The following SH3GL2 variants were observed in gnomAD, a reference collection of about 807,000 sequenced individuals.
SH3GL2 encodes the protein endophilin-A1.
In SH3GL2, 24 loss-of-function variants were observed where a neutral mutation model predicts 46.0. The observed-to-expected ratio is 0.52, with a 90% CI of 0.38 to 0.73. SH3GL2 has a LOEUF of 0.73. SH3GL2 is among the 30% of genes least tolerant of loss of function. SH3GL2 has a pLI of 0.00. For synonymous variants in SH3GL2, 196 were observed against 147.1 expected (o/e 1.33, Z -2.40); for missense variants, 413 against 424.2 (o/e 0.97, Z 0.23).
At chr9:17,651,117 C>T (rs1819946993) in intron 1 of SH3GL2, among the ~76,000 whole-genome samples, 1 of 151,966 alleles carries the variant, frequency 6.6e-6, no homozygotes, top group Non-Finnish European at 1.5e-5. Context: ...TTCTTAATTC[C>T]TAAGACATAA....
chr9:17,787,232 G>A (rs970674363), intron 4 of SH3GL2, 148 bp from the exon 5 acceptor site: 18 of 620,614 alleles, frequency 2.9e-5, no homozygotes, highest in Non-Finnish European at 5.1e-5. Flanking sequence ...CTGTTGCCTG[G>A]AGTGAACTGA....
At chr9:17,753,220 A>G (rs1468152201) in intron 2 of SH3GL2, among the ~76,000 whole-genome samples, 3 of 152,190 alleles carry the variant, frequency 2.0e-5, no homozygotes, top group African/African-American at 7.2e-5. Context: ...TTGGGTGTAT[A>G]TCCACTAATG....
In SH3GL2 at chr9:17,732,187, T is replaced by C. The variant is rs530219167; in HGVS notation, c.46-14879T>C. Among the ~76,000 whole-genome samples the C allele has an allele frequency of 3.5e-4, 53 of 152,196 alleles. 1 individual carries two copies. Among genetic ancestry groups the C allele is most frequent in the Admixed American group, 3.3e-3 (50 of 15,276 alleles). ...ATATTACCCTTTAAAAAATAACCTG[T>C]TTAAGGTAGTACTGTTGGAGATGGT... On this transcript the variant is annotated intron_variant, in intron 1 of 8. Coordinates refer to ENST00000380607, the MANE Select transcript of SH3GL2 (RefSeq NM_003026.5).
At chr9:17,787,262 T>C in intron 4 of SH3GL2, 118 bp from the exon 5 acceptor site, 1 of 770,678 alleles carries the variant, frequency 1.3e-6, no homozygotes, top group Non-Finnish European at 2.2e-6. Flanking sequence ...TTCTCTCTTG[T>C]CTGTTGTCTT....
chr9:17,702,814 TTA>T (rs1821371472), intron 1 of SH3GL2, among the ~76,000 whole-genome samples: 1 of 152,100 alleles, frequency 6.6e-6, no homozygotes, highest in Non-Finnish European at 1.5e-5. Context: ...AATGGTTTTT[TTA>T]AAGAGATTAA....
At chr9:17,732,109 A>G (rs997098986) in intron 1 of SH3GL2, among the ~76,000 whole-genome samples, 2 of 151,896 alleles carry the variant, frequency 1.3e-5, no homozygotes, top group Non-Finnish European at 2.9e-5. Flanking sequence ...ACTCACTTTC[A>G]CTCTTTTTTT....
intron 1 of SH3GL2, among the ~76,000 whole-genome samples, chr9:17,661,528 A>G (rs771563714): frequency 6.6e-6 from 1 of 152,230 alleles, no homozygotes; most frequent in Non-Finnish European, 1.5e-5. Context: ...CAAGTGATAT[A>G]TATACATGGC....
chr9:17,730,227 T>G (rs985341794), intron 1 of SH3GL2, among the ~76,000 whole-genome samples: 1 of 152,148 alleles, frequency 6.6e-6, no homozygotes, highest in Non-Finnish European at 1.5e-5. Flanking sequence ...GTAGCAATTG[T>G]GAATGGGAGT....
intron 1 of SH3GL2, among the ~76,000 whole-genome samples, chr9:17,608,886 G>T (rs1254309914): frequency 3.9e-5 from 6 of 152,174 alleles, no homozygotes; most frequent in African/African-American, 1.4e-4. Flanking sequence ...AGTGCAGGTG[G>T]CTGCATTGCA....
intron 1 of SH3GL2, among the ~76,000 whole-genome samples, chr9:17,686,894 C>T (rs898390234): frequency 8.0e-5 from 12 of 149,260 alleles, no homozygotes; most frequent in Non-Finnish European, 1.6e-4. Context: ...ACATATGTAA[C>T]TAACCTGCAC....
At chr9:17,742,089 C>G (rs1172829907) in intron 1 of SH3GL2, among the ~76,000 whole-genome samples, 1 of 152,130 alleles carries the variant, frequency 6.6e-6, no homozygotes, top group African/African-American at 2.4e-5. Flanking sequence ...GGTAAATAAA[C>G]TGGCAGTGTG....
At chr9:17,701,136 C>T (rs1385824728) in intron 1 of SH3GL2, among the ~76,000 whole-genome samples, 1 of 152,066 alleles carries the variant, frequency 6.6e-6, no homozygotes, top group Non-Finnish European at 1.5e-5. Flanking sequence ...GAGTCACAAA[C>T]CCAGCAGAGA....
intron 1 of SH3GL2, among the ~76,000 whole-genome samples, chr9:17,714,458 T>C (rs1331790963): frequency 6.6e-6 from 1 of 151,734 alleles, no homozygotes; most frequent in African/African-American, 2.4e-5. Flanking sequence ...TTTCCCTGCC[T>C]TTTTTTGGAT....
chr9:17,758,507 A>G (rs1040372786), intron 2 of SH3GL2, among the ~76,000 whole-genome samples: 32 of 130,544 alleles, frequency 2.5e-4, no homozygotes, highest in African/African-American at 8.9e-4. Context: ...GGTTGCGGTG[A>G]GCTGAGATTG....
At chr9:17,694,697 G>T (rs1305422769) in intron 1 of SH3GL2, among the ~76,000 whole-genome samples, 2 of 152,122 alleles carry the variant, frequency 1.3e-5, no homozygotes, top group Non-Finnish European at 2.9e-5. Context: ...TCTAAATAAA[G>T]TGAGAGAAAC....
rs1818226658 is a variant in SH3GL2 at position 17,579,239 on chromosome 9, C to T, written c.-4C>T. 1.3e-6 allele frequency: 2 copies of T among 1,561,028 alleles called. No individual in the cohort carries two copies. Among genetic ancestry groups the T allele is most frequent in the Admixed American group, 1.8e-5 (1 of 55,194 alleles). ...CAGCAGCCGCCAGCGCGGCCTCCTG[C>T]ACCATGTCGGTGGCCGGCCTCAAGA... On this transcript the variant is annotated 5_prime_UTR_variant, in exon 1 of 9. Transcript: ENST00000380607.
intron 1 of SH3GL2, among the ~76,000 whole-genome samples, chr9:17,659,244 C>T (rs746857461): frequency 6.6e-6 from 1 of 152,152 alleles, no homozygotes; most frequent in Non-Finnish European, 1.5e-5. Context: ...GCTCTCTTCC[C>T]CATCTCAGAC....
At chr9:17,581,724 G>C (rs1371821700) in intron 1 of SH3GL2, among the ~76,000 whole-genome samples, 1 of 152,110 alleles carries the variant, frequency 6.6e-6, no homozygotes, top group Non-Finnish European at 1.5e-5. Context: ...TTGAGACAAA[G>C]TTTGACTCTT....
intron 1 of SH3GL2, among the ~76,000 whole-genome samples, chr9:17,646,310 G>A (rs1238568688): frequency 1.3e-5 from 2 of 151,890 alleles, no homozygotes; most frequent in Non-Finnish European, 2.9e-5. Context: ...CCTTGCATTG[G>A]GTTAGGACAT....
Sources: allele counts gnomAD v4.1 joint callset (sites outside exome capture counted in the v4.1 genomes callset), GRCh38; gene constraint gnomAD v4.1.1; transcripts MANE v1.5; gene names NCBI Gene and HGNC (gene_info 2026-07-23, HGNC 2026-07-21).